The following PDZRN4 variants were observed in gnomAD, a reference collection of about 807,000 sequenced individuals.
PDZRN4 encodes PDZ domain containing ring finger 4.
In PDZRN4, 70 loss-of-function variants were observed where a neutral mutation model predicts 99.0. The ratio of observed to expected loss-of-function variants is 0.71; its 90% CI spans 0.58 to 0.86. PDZRN4 has a LOEUF of 0.86. Among genes scored for constraint, PDZRN4 ranks in the 40% least tolerant of loss-of-function variants. The pLI is 0.00. For missense variants in PDZRN4, 1,474 were observed against 1,331.2 expected (o/e 1.11, Z -1.67); for synonymous variants, 551 against 501.6 (o/e 1.10, Z -1.32).
chr12:41,574,293 G>A lies in PDZRN4; in HGVS notation c.*403G>A, dbSNP rs1191215038. 3.2e-5 allele frequency: 5 copies of A among 154,842 alleles called. No homozygotes were observed. Among genetic ancestry groups the A allele is most frequent in the African/African-American group, 1.2e-4 (5 of 41,474 alleles). The allele number at this position is 154,842 out of a possible 1,614,324, so 9.6% of individuals were successfully genotyped here. On this transcript the variant is annotated 3_prime_UTR_variant, in exon 10 of 10. Coordinates refer to ENST00000402685, the MANE Select transcript of PDZRN4 (RefSeq NM_001164595.2). ...TAACTCAATGCCAAAATATTTCTAT[G>A]CTTGTTTCTTGGCATAATACATTTT...
chr12:41,344,011 C>T (rs1951835860), intron 3 of PDZRN4, among the ~76,000 whole-genome samples: 1 of 151,928 alleles, frequency 6.6e-6, no homozygotes, highest in South Asian at 2.1e-4. Flanking sequence ...AAATGCAATG[C>T]ATATTATAAA....
chr12:41,449,860 GT>G (rs1202772043), intron 3 of PDZRN4, among the ~76,000 whole-genome samples: 1 of 151,876 alleles, frequency 6.6e-6, no homozygotes, highest in African/African-American at 2.4e-5. Context: ...ATTTTACGTG[GT>G]TTTTGTCCAT....
At chr12:41,348,025 C>A (rs901330962) in intron 3 of PDZRN4, among the ~76,000 whole-genome samples, 6 of 151,996 alleles carry the variant, frequency 3.9e-5, no homozygotes, top group Admixed American at 3.3e-4. Context: ...ATGAAAAGGA[C>A]CACATGAAAT....
At chr12:41,499,468 G>A (rs1938072947) in intron 3 of PDZRN4, among the ~76,000 whole-genome samples, 1 of 151,960 alleles carries the variant, frequency 6.6e-6, no homozygotes, top group African/African-American at 2.4e-5. Flanking sequence ...TTAATTATAG[G>A]AATAATTCAT....
At chr12:41,371,411 G>A (rs1445047459) in intron 3 of PDZRN4, among the ~76,000 whole-genome samples, 1 of 151,830 alleles carries the variant, frequency 6.6e-6, no homozygotes, top group Non-Finnish European at 1.5e-5. Flanking sequence ...GCTATTCTGA[G>A]TCAGTGATTG....
chr12:41,513,812 A>G (rs946556558), intron 5 of PDZRN4, among the ~76,000 whole-genome samples: 3 of 152,098 alleles, frequency 2.0e-5, no homozygotes, highest in African/African-American at 7.2e-5. Context: ...CCTGAGTGCA[A>G]GGAAGATGTT....
At chr12:41,503,986 T>G (rs979464847) in intron 3 of PDZRN4, among the ~76,000 whole-genome samples, 2 of 152,086 alleles carry the variant, frequency 1.3e-5, no homozygotes, top group Admixed American at 1.3e-4. Context: ...GAATAGTTGA[T>G]AAGGCCAGGA....
chr12:41,447,759 G>A (rs2251349), intron 3 of PDZRN4, among the ~76,000 whole-genome samples: 77,387 of 151,760 alleles, frequency 0.51, 20,201 homozygotes, highest in African/African-American at 0.64. Context: ...TCAAACCAGG[G>A]TCTGCCTAAT....
At chr12:41,332,601 C>T (rs536590566) in intron 3 of PDZRN4, among the ~76,000 whole-genome samples, 2 of 151,974 alleles carry the variant, frequency 1.3e-5, no homozygotes, top group East Asian at 2.0e-4. Flanking sequence ...GATCAGCCTA[C>T]TGGCTGAAGT....
rs75171325 is a variant in PDZRN4, at chr12:41,363,191, T to C, written c.844-143265T>C. On this transcript the variant is annotated intron_variant, in intron 3 of 9. Transcript: ENST00000402685. ...CTGGGAGAGGAATATAGCCACCTAA[T>C]TTAGAGGACCTGTAATTTTCTACTA... is the stretch of plus-strand genomic sequence containing the variant. Among the ~76,000 whole-genome samples the C allele has an allele frequency of 9.3e-3, 1,420 of 152,182 alleles. 14 individuals carry two copies. The highest frequency in any genetic ancestry group is 0.014 in the Middle Eastern group (4 of 294).
At chr12:41,520,559 AT>A (rs146971821) in intron 5 of PDZRN4, among the ~76,000 whole-genome samples, 1 of 151,848 alleles carries the variant, frequency 6.6e-6, no homozygotes, top group Non-Finnish European at 1.5e-5. Flanking sequence ...ATATGATCAT[AT>A]TTTTGTAGTT....
At chr12:41,476,319 C>T (rs970949799) in intron 3 of PDZRN4, among the ~76,000 whole-genome samples, 1 of 152,094 alleles carries the variant, frequency 6.6e-6, no homozygotes, top group Non-Finnish European at 1.5e-5. Flanking sequence ...GCTAAAGAAA[C>T]AGCATAACAA....
chr12:41,309,779 T>A (rs1039573765), intron 3 of PDZRN4, among the ~76,000 whole-genome samples: 2 of 152,040 alleles, frequency 1.3e-5, no homozygotes, highest in Non-Finnish European at 2.9e-5. Context: ...TAAAAAAATA[T>A]TTTTAAAAAA....
chr12:41,322,550 G>A (rs1951686872), intron 3 of PDZRN4, among the ~76,000 whole-genome samples: 1 of 125,702 alleles, frequency 8.0e-6, no homozygotes, highest in Admixed American at 1.0e-4. Context: ...GAGTTCAGTG[G>A]CAGGATCTCT....
At chr12:41,298,991 C>G (rs777133669) in intron 3 of PDZRN4, among the ~76,000 whole-genome samples, 3 of 151,730 alleles carry the variant, frequency 2.0e-5, no homozygotes, top group Non-Finnish European at 4.4e-5. Flanking sequence ...TTTTCTAATT[C>G]CTATTATTCT....
At chr12:41,195,480 C>T (rs1012252178) in intron 3 of PDZRN4, among the ~76,000 whole-genome samples, 8 of 151,628 alleles carry the variant, frequency 5.3e-5, no homozygotes, top group African/African-American at 1.9e-4. Flanking sequence ...TTTAATGAAT[C>T]GACATAGAGT....
At position 41,572,508 on chromosome 12, in the gene PDZRN4, C is replaced by A. The variant is rs1939499498; in HGVS notation, c.1729C>A (p.Pro577Thr). The A allele has an allele frequency of 6.2e-7, 1 of 1,614,004 alleles. No homozygotes were observed. Among genetic ancestry groups the A allele is most frequent in the Middle Eastern group, 1.7e-4 (1 of 6,060 alleles). Reference protein sequence around the residue: ...SSEQENAAEDPNSTSLKSKRD... With the variant: ...SSEQENAAEDTNSTSLKSKRD... ...AGAGCAGGAGAATGCAGCCGAGGAC[C>A]CCAATAGCACATCTTTGAAGAGCAA... Residue 577 changes from proline to threonine, a missense_variant, in exon 10 of 10, where the codon CCC becomes ACC. Physicochemically the swap from Pro to Thr is conservative, Grantham distance 38 (BLOSUM62 -1). Transcript: ENST00000402685.
chr12:41,348,104 C>G (rs533618007), intron 3 of PDZRN4, among the ~76,000 whole-genome samples: 2 of 152,190 alleles, frequency 1.3e-5, no homozygotes, highest in Admixed American at 1.3e-4. Context: ...TGGTATTATT[C>G]ATGATTTTTA....
At chr12:41,481,161 C>A (rs931276423) in intron 3 of PDZRN4, among the ~76,000 whole-genome samples, 4 of 151,984 alleles carry the variant, frequency 2.6e-5, no homozygotes, top group African/African-American at 9.7e-5. Flanking sequence ...TGCCTGTGAG[C>A]CATGTCATGA....
Sources: gnomAD v4.1 joint callset for allele counts (sites outside exome capture counted in the v4.1 genomes callset) on GRCh38, gnomAD v4.1.1 for gene constraint, MANE v1.5 for transcripts, NCBI Gene and HGNC (gene_info 2026-07-23, HGNC 2026-07-21) for gene names.